The following ZNF518A variants were observed in gnomAD, a reference collection of about 807,000 sequenced individuals.
The protein encoded by ZNF518A is zinc finger protein 518.
In ZNF518A, 47 loss-of-function variants were observed where a neutral mutation model predicts 102.7. The ratio of observed to expected loss-of-function variants is 0.46; its 90% CI spans 0.36 to 0.58. The LOEUF is 0.58. Among genes scored for constraint, ZNF518A ranks in the 20% least tolerant of loss-of-function variants. The pLI is 0.00. For synonymous variants in ZNF518A, 652 were observed against 594.6 expected (o/e 1.10, Z -1.40); for missense variants, 1,793 against 1,699.8 (o/e 1.05, Z -0.96).
intron 1 of ZNF518A, among the ~76,000 whole-genome samples, chr10:96,190,833 T>C (rs2083316238): frequency 6.6e-6 from 1 of 152,236 alleles, no homozygotes; most frequent in Non-Finnish European, 1.5e-5. Flanking sequence ...TGGTATCTCT[T>C]TTATTCCTTG....
At chr10:96,187,129 G>T (rs782183483) in intron 1 of ZNF518A, among the ~76,000 whole-genome samples, 2 of 152,180 alleles carry the variant, frequency 1.3e-5, no homozygotes, top group Non-Finnish European at 2.9e-5. Flanking sequence ...CAGATGTAGA[G>T]AAAATATTTG....
chr10:96,164,475 C>G (rs1467073602), downstream of ZNF518A, among the ~76,000 whole-genome samples: 1 of 151,930 alleles, frequency 6.6e-6, no homozygotes, highest in Non-Finnish European at 1.5e-5. Flanking sequence ...AAACTTTTTC[C>G]TGTAATGGAG....
chr10:96,143,433 T>A (rs1267336913), intron 3 of ZNF518A, among the ~76,000 whole-genome samples: 1 of 152,210 alleles, frequency 6.6e-6, no homozygotes, highest in East Asian at 1.9e-4. Context: ...TTTCTTCCAT[T>A]GTTTCTTTAT....
intron 3 of ZNF518A, among the ~76,000 whole-genome samples, chr10:96,134,163 T>C (rs2081482081): frequency 6.6e-6 from 1 of 152,206 alleles, no homozygotes; most frequent in African/African-American, 2.4e-5. Context: ...CAGTAAGTAA[T>C]GCAAATATTC....
chr10:96,141,541 GT>G (rs1335598336), intron 3 of ZNF518A, among the ~76,000 whole-genome samples: 2 of 152,026 alleles, frequency 1.3e-5, no homozygotes, highest in Non-Finnish European at 2.9e-5. Context: ...AAAGAATAAG[GT>G]TTACCTGAAC....
chr10:96,192,485 T>C (rs904760666), intron 1 of ZNF518A, among the ~76,000 whole-genome samples: 9 of 152,232 alleles, frequency 5.9e-5, no homozygotes, highest in Non-Finnish European at 1.3e-4. Context: ...AGAATTGATG[T>C]AATAAATTAA....
Position 96,130,307 on chromosome 10 carries a change from A to G in ZNF518A, c.-898A>G, listed in dbSNP as rs587760857. ...TCAGCGCTTCCGCTTAACTTGCCGC[A>G]AAGTTTTTCTGGAGAAGTCGGGGTT... On this transcript the variant is annotated 5_prime_UTR_variant, in exon 1 of 6. Transcript: ENST00000316045. 2.6e-5 allele frequency among the ~76,000 whole-genome samples: 4 copies of G among 152,208 alleles called. No homozygotes were observed. Among genetic ancestry groups the G allele is most frequent in the Admixed American group, 1.3e-4 (2 of 15,288 alleles).
chr10:96,192,111 G>A, intron 1 of ZNF518A: 13 of 1,613,152 alleles, frequency 8.1e-6, no homozygotes, highest in Non-Finnish European at 1.1e-5. Flanking sequence ...AGAAAACATA[G>A]ATGAATTATA....
intron 1 of ZNF518A, chr10:96,191,594 C>G (rs1453314265): frequency 5.6e-6 from 1 of 177,590 alleles, no homozygotes; most frequent in Non-Finnish European, 1.2e-5. Flanking sequence ...CAGTGGAGAG[C>G]CCAGCTACAT....
intron 1 of ZNF518A, among the ~76,000 whole-genome samples, chr10:96,178,276 C>A (rs1379154008): frequency 2.6e-5 from 4 of 151,980 alleles, no homozygotes; most frequent in African/African-American, 9.7e-5. Flanking sequence ...TAACAGAATT[C>A]AATTAGAAAT....
In ZNF518A at chr10:96,159,275, G is replaced by T. The variant is rs1554885782; in HGVS notation, c.2953G>T (p.Gly985Trp). 3.1e-6 allele frequency: 5 copies of T among 1,613,146 alleles called. No homozygotes were observed. The highest frequency in any genetic ancestry group is 4.2e-6 in the Non-Finnish European group (5 of 1,179,658). ...TGGGATGGTTTTAACACTTAATAAT[G>T]GGAAACTTGAAGGTGTTTCCGCTGT... ...KPGMVLTLNN[G>W]KLEGVSAVKT... The change falls in exon 6 of 6, where the codon GGG (glycine) becomes TGG (tryptophan). Residue 985 changes from glycine (G) to tryptophan (W), a missense_variant. This residue lies in a region of ZNF518A where 1,741 missense variants were observed against 1,622.6 expected (regional missense o/e 1.07). Transcript: ENST00000316045.
chr10:96,151,704 G>T (rs2082458710), intron 3 of ZNF518A: 1 of 152,184 alleles, frequency 6.6e-6, no homozygotes, highest in African/African-American at 2.4e-5. Context: ...TTGGCAGTGG[G>T]TCGGCATTTG....
intron 1 of ZNF518A, among the ~76,000 whole-genome samples, chr10:96,175,166 G>A (rs782360116): frequency 6.6e-6 from 1 of 152,128 alleles, no homozygotes; most frequent in African/African-American, 2.4e-5. Context: ...ATTAAGAAAT[G>A]TACACTTCCC....
chr10:96,178,541 A>C (rs2083219099), intron 1 of ZNF518A, among the ~76,000 whole-genome samples: 2 of 152,056 alleles, frequency 1.3e-5, no homozygotes, highest in African/African-American at 4.8e-5. Context: ...CCATCTTAAG[A>C]AAGTATGGAA....
chr10:96,177,078 C>A (rs1369376934), intron 1 of ZNF518A, among the ~76,000 whole-genome samples: 103 of 125,292 alleles, frequency 8.2e-4, no homozygotes, highest in Middle Eastern at 4.2e-3. Flanking sequence ...GTCTCTGTCT[C>A]AAAAAAAAAA....
chr10:96,201,372 T>C lies in ZNF518A; in HGVS notation n.36-2202T>C, dbSNP rs587751196. Among the ~76,000 whole-genome samples, 31 of 152,370 alleles carry C rather than the reference T, an allele frequency of 2.0e-4. 1 individual carries two copies. Among genetic ancestry groups the C allele is most frequent in the African/African-American group, 5.5e-4 (23 of 41,584 alleles). On this transcript the variant is annotated intron_variant and non_coding_transcript_variant, in intron 1 of 2. Transcript: ENST00000442635. ...TGAGAATCCAGCAGTCTCTGTTATG[T>C]TGCAGTAACATACATTAAAGAGATT...
rs781844790 is a variant in ZNF518A at position 96,162,212 on chromosome 10, A to G, written c.*1438A>G. 3 of 166,924 alleles carry G rather than the reference A, an allele frequency of 1.8e-5. No homozygotes were observed. The highest frequency in any genetic ancestry group is 6.5e-5 in the Admixed American group (1 of 15,276). The allele number at this position is 166,924 out of a possible 1,614,324, so 10.3% of individuals were successfully genotyped here. A position where few individuals can be genotyped will look rare whatever the true frequency, so the allele number is the denominator to read the frequency against. ...TAAATTTTGCACAGAAATTTTTGGC[A>G]TAAGTTTATTTTCTTTCAGTTTAGT... is the stretch of plus-strand genomic sequence containing the variant. On this transcript the variant is annotated 3_prime_UTR_variant, in exon 6 of 6. Coordinates refer to ENST00000316045, the MANE Select transcript of ZNF518A (RefSeq NM_001330736.2).
intron 1 of ZNF518A, among the ~76,000 whole-genome samples, chr10:96,185,704 G>A (rs587622367): frequency 6.6e-6 from 1 of 152,286 alleles, no homozygotes; most frequent in South Asian, 2.1e-4. Flanking sequence ...TGGGCACCCG[G>A]CTGTATGAGG....
intron 1 of ZNF518A, among the ~76,000 whole-genome samples, chr10:96,194,173 A>C (rs1456262272): frequency 6.6e-6 from 1 of 152,204 alleles, no homozygotes; most frequent in East Asian, 1.9e-4. Flanking sequence ...AATTTGTGAG[A>C]GAATTTCAGG....
Sources: gnomAD v4.1 joint callset for allele counts (sites outside exome capture counted in the v4.1 genomes callset) on GRCh38, gnomAD v4.1.1 for gene constraint, gnomAD v4.1.1 regional missense constraint, MANE v1.5 for transcripts, NCBI Gene and HGNC (gene_info 2026-07-23, HGNC 2026-07-21) for gene names.